FAM153A: variants seen among roughly 807,000 people sequenced by gnomAD.
FAM153A encodes the protein protein FAM153A.
In FAM153A, 12 loss-of-function variants were observed where a neutral mutation model predicts 48.1. That is an observed-to-expected ratio of 0.25 (90% CI 0.16 to 0.40). The LOEUF is 0.40. FAM153A is among the 10% of genes least tolerant of loss of function. The pLI, the probability that FAM153A is intolerant of heterozygous loss-of-function variation, is 1.00. For missense variants in FAM153A, 111 were observed against 345.8 expected, an observed-to-expected ratio of 0.32 and a Z score of 5.38; for synonymous variants, 36 against 118.2, an observed-to-expected ratio of 0.30 and a Z score of 4.51.
At chr5:177,721,869 C>G (rs1274085431), downstream of FAM153A, 1 of 145,762 alleles carries the variant, frequency 6.9e-6, no homozygotes, top group East Asian at 2.0e-4. Flanking sequence ...TGTAAATCAC[C>G]ACAAAACATA....
upstream of FAM153A, among the ~76,000 whole-genome samples, chr5:177,757,509 G>A (rs1767852496): frequency 7.1e-6 from 1 of 141,070 alleles, no homozygotes; most frequent in South Asian, 2.5e-4. Flanking sequence ...CCAAAGCCTG[G>A]CAGAGACACA....
At chr5:177,703,249 T>G (rs1156323885), downstream of FAM153A, among the ~76,000 whole-genome samples, 1 of 151,970 alleles carries the variant, frequency 6.6e-6, no homozygotes, top group African/African-American at 2.4e-5. Flanking sequence ...ATGTGGGACA[T>G]GGAGTCAAAG....
chr5:177,711,880 G>A (rs1363649593), exon 27 of FAM153A: 3 of 151,902 alleles, frequency 2.0e-5, no homozygotes, highest in African/African-American at 7.3e-5. Context: ...TTGACCAGGT[G>A]ACTTTCTTTG....
intron 25 of FAM153A, among the ~76,000 whole-genome samples, chr5:177,716,016 G>A (rs550336792): frequency 6.9e-6 from 1 of 145,088 alleles, no homozygotes; most frequent in Non-Finnish European, 1.5e-5. Flanking sequence ...ATGGAGTCTT[G>A]CTCTGTTGCC....
chr5:177,753,753 T>G (rs903586493), upstream of FAM153A, among the ~76,000 whole-genome samples: 9 of 151,152 alleles, frequency 6.0e-5, no homozygotes, highest in African/African-American at 2.2e-4. Flanking sequence ...AAAAAAGATA[T>G]GATTCAGTAC....
In FAM153A at chr5:177,771,108, T is replaced by C. The variant is rs1582538139; in HGVS notation, c.-57+9341A>G. Among the ~76,000 whole-genome samples the C allele has an allele frequency of 2.0e-5, 2 of 97,684 alleles. 1 individual carries two copies. The highest frequency in any genetic ancestry group is 8.1e-5 in the African/African-American group (2 of 24,786). The allele number at this position is 97,684 out of a possible 152,430, so 64.1% of individuals were successfully genotyped here. On this transcript the variant is annotated intron_variant, in intron 1 of 8. Coordinates refer to the FAM153A transcript ENST00000393518. ...GTGGGCATGATTTCTCAAATTGCAG[T>C]ATAGAAAATACATAAAACAAATAAA... is the stretch of plus-strand genomic sequence containing the variant.
At chr5:177,716,964 A>AGAGTGT (rs71585654) in intron 24 of FAM153A, among the ~76,000 whole-genome samples, 1 of 127,652 alleles carries the variant, frequency 7.8e-6, no homozygotes, top group Non-Finnish European at 1.6e-5. Context: ...ATTCCCGCTT[A>AGAGTGT]GTGTGTGTGT....
At chr5:177,714,135 T>C (rs1190535797) in intron 25 of FAM153A, 1 of 151,388 alleles carries the variant, frequency 6.6e-6, no homozygotes, top group Non-Finnish European at 1.5e-5. Flanking sequence ...CATCTACAAC[T>C]CTAGTCACCA....
intron 1 of FAM153A, among the ~76,000 whole-genome samples, chr5:177,768,111 A>G (rs1768850116): frequency 8.5e-6 from 1 of 117,390 alleles, no homozygotes; most frequent in Non-Finnish European, 1.7e-5. Flanking sequence ...GTTAAATTGA[A>G]TTGCTAGAGT....
downstream of FAM153A, among the ~76,000 whole-genome samples, chr5:177,721,500 TCTAA>T (rs1486031155): frequency 8.3e-6 from 1 of 120,456 alleles, no homozygotes; most frequent in Non-Finnish European, 1.7e-5. Context: ...CAACTAGATT[TCTAA>T]CTGATATTCA....
chr5:177,739,073 A>G (rs2127657016), intron 10 of FAM153A, 40 bp downstream of exon 12: 1 of 1,609,868 alleles, frequency 6.2e-7, no homozygotes, highest in South Asian at 1.1e-5. Context: ...CTCAACACTA[A>G]GATTTTTCCT....
chr5:177,698,288 A>AT, the FAM153A span, among the ~76,000 whole-genome samples: 66 of 152,024 alleles, frequency 4.3e-4, 1 homozygote, highest in African/African-American at 1.5e-3. Flanking sequence ...CATGATGTGA[A>AT]TTTTTTAGTC....
intron 25 of FAM153A, among the ~76,000 whole-genome samples, chr5:177,715,840 T>C (rs1470311832): frequency 6.6e-6 from 1 of 151,582 alleles, no homozygotes; most frequent in Non-Finnish European, 1.5e-5. Flanking sequence ...CGCAGCTAAT[T>C]TTTAAATTTT....
chr5:177,711,088 G>GA (rs1582125162), exon 27 of FAM153A: 1 of 151,634 alleles, frequency 6.6e-6, no homozygotes, highest in Non-Finnish European at 1.5e-5. Flanking sequence ...TTTAATGCTA[G>GA]AAAAAATGGA....
exon 27 of FAM153A, chr5:177,712,093 C>T (rs1758572904): frequency 6.6e-6 from 1 of 151,498 alleles, no homozygotes; most frequent in African/African-American, 2.4e-5. Context: ...AAATTCTTAA[C>T]AATTAAAAAA....
chr5:177,708,921 C>T (rs1244994415), downstream of FAM153A, among the ~76,000 whole-genome samples: 1 of 150,804 alleles, frequency 6.6e-6, no homozygotes, highest in Non-Finnish European at 1.5e-5. Context: ...GGTAAAACCC[C>T]GTCTCTACTA....
At chr5:177,752,909 C>A in intron 1 of FAM153A, among the ~76,000 whole-genome samples, 1 of 118,368 alleles carries the variant, frequency 8.4e-6, no homozygotes, top group Non-Finnish European at 1.7e-5. Context: ...GCCTAGGCAA[C>A]AGAGCAAGAC....
chr5:177,737,883 A>G (rs1457613559), intron 10 of FAM153A, among the ~76,000 whole-genome samples: 1 of 151,720 alleles, frequency 6.6e-6, no homozygotes, highest in Non-Finnish European at 1.5e-5. Context: ...CTATTAAAAT[A>G]TTCTATGTAT....
At chr5:177,711,373 GTTT>G (rs1230092509) in exon 27 of FAM153A, 5 of 151,970 alleles carry the variant, frequency 3.3e-5, no homozygotes, top group East Asian at 1.9e-4. Context: ...TGTTCAAGTT[GTTT>G]TTTAAGTAGA....
Sources: gnomAD v4.1 joint callset for allele counts (sites outside exome capture counted in the v4.1 genomes callset) on GRCh38, gnomAD v4.1.1 for gene constraint, MANE v1.5 for transcripts, NCBI Gene and HGNC (gene_info 2026-07-23, HGNC 2026-07-21) for gene names.